Variants in SFPQ observed in about 807,000 individuals in gnomAD.
SFPQ encodes splicing factor, proline- and glutamine-rich.
Under a neutral mutation model 72.9 loss-of-function variants are expected in SFPQ, and 11 were observed. The observed-to-expected ratio is 0.15, with a 90% CI of 0.09 to 0.25. The LOEUF (loss-of-function observed/expected upper bound fraction) is 0.25. Ranked by LOEUF, SFPQ falls within the 10% of genes least tolerant of loss-of-function variation. The pLI, the probability that SFPQ is intolerant of heterozygous loss-of-function variation, is 1.00. For missense variants in SFPQ, 847 were observed against 993.3 expected (o/e 0.85, Z 1.98); for synonymous variants, 506 against 367.3 (o/e 1.38, Z -4.32).
At chr1:35,180,866 A>C, downstream of SFPQ, 2 of 985,438 alleles carry the variant, frequency 2.0e-6, no homozygotes, top group Non-Finnish European at 2.4e-6. Context: ...CTTCAGTTAC[A>C]ATGCAACTAA....
chr1:35,181,294 T>C (rs997780429), downstream of SFPQ: 3 of 1,065,720 alleles, frequency 2.8e-6, no homozygotes, highest in Non-Finnish European at 3.4e-6. Flanking sequence ...TAATAGTGCA[T>C]AATTGCAGTC....
At chr1:35,180,081 T>C (rs1169145028), downstream of SFPQ, 4 of 1,052,224 alleles carry the variant, frequency 3.8e-6, no homozygotes, top group African/African-American at 3.3e-5. Context: ...ACCTTGTGAA[T>C]TGCTTGCCAA....
intron 2 of SFPQ, 79 bp from the exon 3 acceptor site, chr1:35,191,074 T>G (rs1349381171): frequency 2.4e-6 from 3 of 1,244,872 alleles, no homozygotes; most frequent in Non-Finnish European, 3.4e-6. Flanking sequence ...GCCTACTTCC[T>G]ACTCCCTTTC....
downstream of SFPQ, chr1:35,182,236 T>A: frequency 1.0e-6 from 1 of 985,322 alleles, no homozygotes; most frequent in African/African-American, 1.7e-5. Flanking sequence ...TTTCTTGTCT[T>A]TAGTAGAGTC....
chr1:35,176,926 A>G (rs986552813), intron 5 of SFPQ, among the ~76,000 whole-genome samples: 3 of 149,932 alleles, frequency 2.0e-5, no homozygotes, highest in African/African-American at 7.4e-5. Context: ...CATTAATTGT[A>G]ATTAACAGGC....
chr1:35,188,206 T>TCACTC, intron 6 of SFPQ, 116 bp from the exon 7 acceptor site: 1 of 769,626 alleles, frequency 1.3e-6, no homozygotes, highest in Non-Finnish European at 2.3e-6. Context: ...ACACAAAGGC[T>TCACTC]TAGAGTGAGC....
Position 35,183,589 on chromosome 1 carries a change from C to A in SFPQ, c.*867G>T. On this transcript the variant is annotated 3_prime_UTR_variant, in exon 10 of 10. Coordinates refer to ENST00000357214, the MANE Select transcript of SFPQ (RefSeq NM_005066.3). ...CCCATCTTTATAAATCACTTGAATACATGAAAAGACTTCATGTTTAACATC... is the reference window on the plus strand; with the variant it reads ...CCCATCTTTATAAATCACTTGAATAAATGAAAAGACTTCATGTTTAACATC... The A allele has an allele frequency of 2.9e-6, 3 of 1,023,336 alleles. No homozygotes were observed. The highest frequency in any genetic ancestry group is 3.5e-6 in the Non-Finnish European group (3 of 852,282). The allele number at this position is 1,023,336 out of a possible 1,614,324, so 63.4% of individuals were successfully genotyped here.
At chr1:35,191,590 G>T in intron 1 of SFPQ, 61 bp from the exon 2 acceptor site, 1 of 1,327,884 alleles carries the variant, frequency 7.5e-7, no homozygotes, top group South Asian at 1.3e-5. Flanking sequence ...AAATCCCCAA[G>T]ATAGTATTTG....
In SFPQ at chr1:35,186,150, T is replaced by C. The variant is rs555286549; in HGVS notation, c.1986+851A>G. Among the ~76,000 whole-genome samples, 64 of 152,336 alleles carry C rather than the reference T, an allele frequency of 4.2e-4. No homozygotes were observed. In the South Asian group the frequency reaches 4.8e-3, roughly 11 times the overall value. ...GTTTCTATTTATAAAATGAATCTTA[T>C]GAGCTACTCACTGCAGCTCCCCTCC... On this transcript the variant is annotated intron_variant, in intron 9 of 9. Transcript: ENST00000357214.
chr1:35,186,194 T>C (rs1343199547), intron 9 of SFPQ, among the ~76,000 whole-genome samples: 1 of 152,196 alleles, frequency 6.6e-6, no homozygotes, highest in African/African-American at 2.4e-5. Context: ...AAGCCTGTAG[T>C]GAACTCATCA....
downstream of SFPQ, chr1:35,181,861 T>A: frequency 1.0e-6 from 1 of 985,232 alleles, no homozygotes; most frequent in Non-Finnish European, 1.2e-6. Context: ...AAAGTCTATT[T>A]GAGTAAGCTT....
Position 35,191,452 on chromosome 1 carries a change from C to A in SFPQ, c.906G>T (p.Gly302=), listed in dbSNP as rs201831596. 182 of 1,614,130 alleles carry A rather than the reference C, an allele frequency of 1.1e-4. 2 individuals carry two copies. In the South Asian group the frequency reaches 1.9e-3, roughly 17 times the overall value. The change falls in exon 2 of 10, where the codon GGG becomes GGT. Residue 302 remains glycine, a synonymous_variant. Transcript: ENST00000357214. ...CCTCCGTGATATCAGCAGGTAGATT[C>A]CCAACAAACAACCGACATCGCTGTG... ...TYTQRCRLFV[G]NLPADITEDE... is the part of the protein sequence containing the mutation.
rs113021508 is a variant in SFPQ, at chr1:35,188,226, T to C, written c.1698-136A>G. 1,599 of 687,824 alleles carry C rather than the reference T, an allele frequency of 2.3e-3. 13 individuals carry two copies. The highest frequency in any genetic ancestry group is 7.8e-3 in the Middle Eastern group (31 of 3,994). 42.6% of individuals were successfully genotyped at this position (687,824 alleles called of 1,614,324 possible). Reference sequence around the variant, plus strand: ...AAGGCTTAGAGTGAGCCTAGGGGCATAGTACTAAAGACATTCTGGCAAATA... The same window carrying C: ...AAGGCTTAGAGTGAGCCTAGGGGCACAGTACTAAAGACATTCTGGCAAATA... On this transcript the variant is annotated intron_variant, in intron 6 of 9. Coordinates refer to ENST00000357214, the MANE Select transcript of SFPQ (RefSeq NM_005066.3).
Position 35,192,246 on chromosome 1 carries a change from G to T in SFPQ, c.804C>A (p.Ser268Arg). 6.8e-7 allele frequency: 1 copy of T among 1,462,806 alleles called. No homozygotes were observed. The highest frequency in any genetic ancestry group is 1.3e-5 in the South Asian group (1 of 76,874). The allele number at this position is 1,462,806 out of a possible 1,614,324, so 90.6% of individuals were successfully genotyped here. ...GPPPGGPGGR[S>R]EEKISDSEGF... The stretch of plus-strand genomic sequence containing the variant: ...CCTCCGAGTCCGAGATCTTCTCCTC[G>T]CTGCGGCCGCCGGGCCCGCCGGGCG... The change falls in exon 1 of 10, where the codon AGC becomes AGA. Residue 268 changes from serine to arginine, a missense_variant. By Grantham distance (110) the Ser-to-Arg change is moderately radical. Around this residue, in one of 6 missense-constraint regions of SFPQ, gnomAD observed 498 missense variants for 405.1 expected, o/e 1.23. Coordinates refer to ENST00000357214, the MANE Select transcript of SFPQ (RefSeq NM_005066.3).
In SFPQ at chr1:35,184,242, AAAATAAAG is replaced by A; in HGVS notation, c.*206_*213del. On this transcript the variant is annotated 3_prime_UTR_variant, in exon 10 of 10. Coordinates refer to ENST00000357214, the MANE Select transcript of SFPQ (RefSeq NM_005066.3). ...AGGGACATTATACAGTAAAAAAGAA[AAAATAAAG>A]AAATAAAAAGGAAAAAAAAATTCTC... 7.5e-7 allele frequency: 1 copy of A among 1,328,830 alleles called. No individual in the cohort carries two copies. The highest frequency in any genetic ancestry group is 9.5e-7 in the Non-Finnish European group (1 of 1,047,876). 82.3% of individuals were successfully genotyped at this position (1,328,830 alleles called of 1,614,324 possible). A position where few individuals can be genotyped will look rare whatever the true frequency, so the allele number is the denominator to read the frequency against.
At chr1:35,180,477 C>G (rs1013389648), downstream of SFPQ, 99 of 1,050,566 alleles carry the variant, frequency 9.4e-5, no homozygotes, top group Non-Finnish European at 1.1e-4. Context: ...CGACTGTAGT[C>G]AAGTCAATGT....
At position 35,184,240 on chromosome 1, in the gene SFPQ, A is replaced by G; in HGVS notation, c.*216T>C. On this transcript the variant is annotated 3_prime_UTR_variant, in exon 10 of 10. Transcript: ENST00000357214. ...TGAGGGACATTATACAGTAAAAAAG[A>G]AAAAATAAAGAAATAAAAAGGAAAA... is the stretch of plus-strand genomic sequence containing the variant. 1 of 1,325,066 alleles carries G rather than the reference A, an allele frequency of 7.5e-7. No homozygotes were observed. Among genetic ancestry groups the G allele is most frequent in the Non-Finnish European group, 9.6e-7 (1 of 1,045,570 alleles). The allele number at this position is 1,325,066 out of a possible 1,614,324, so 82.1% of individuals were successfully genotyped here. A position where few individuals can be genotyped will look rare whatever the true frequency, so the allele number is the denominator to read the frequency against.
Position 35,192,833 on chromosome 1 carries a change from G to C in SFPQ, c.217C>G (p.Pro73Ala), listed in dbSNP as rs368578579. The C allele has an allele frequency of 6.6e-7, 1 of 1,521,660 alleles. No homozygotes were observed. The highest frequency in any genetic ancestry group is 1.4e-5 in the African/African-American group (1 of 70,104). 94.3% of individuals were successfully genotyped at this position (1,521,660 alleles called of 1,614,324 possible). A position where few individuals can be genotyped will look rare whatever the true frequency, so the allele number is the denominator to read the frequency against. The change falls in exon 1 of 10, where the codon CCA (proline) becomes GCA (alanine). Residue 73 changes from proline to alanine, a missense_variant. Around this residue, in one of 6 missense-constraint regions of SFPQ, gnomAD observed 498 missense variants for 405.1 expected, o/e 1.23. Coordinates refer to ENST00000357214, the MANE Select transcript of SFPQ (RefSeq NM_005066.3). ...TGCTGCGGCGGTGGCTGCTGCGGTG[G>C]TGGCTGTTGCTGCTGTTGGTGTGGA... Reference protein sequence around the residue: ...PPPHQQQQQPPPQQPPPQQPP... With the variant: ...PPPHQQQQQPAPQQPPPQQPP...
At chr1:35,180,164 G>A (rs971814838), downstream of SFPQ, 20 of 1,050,004 alleles carry the variant, frequency 1.9e-5, no homozygotes, top group Admixed American at 5.5e-4. Context: ...TTTATGCAAA[G>A]TAAACCACTT....
Sources: gnomAD v4.1 joint callset for allele counts (sites outside exome capture counted in the v4.1 genomes callset) on GRCh38, gnomAD v4.1.1 for gene constraint, gnomAD v4.1.1 regional missense constraint, MANE v1.5 for transcripts, NCBI Gene and HGNC (gene_info 2026-07-23, HGNC 2026-07-21) for gene names.